The following STON2 variants were observed in gnomAD, a reference collection of about 807,000 sequenced individuals.
STON2 encodes the protein stonin-2.
STON2 carries 29 observed loss-of-function variants against 65.7 expected under a neutral mutation model. The ratio of observed to expected loss-of-function variants is 0.44; its 90% CI spans 0.33 to 0.60. The LOEUF (loss-of-function observed/expected upper bound fraction) is 0.60. Among genes scored for constraint, STON2 ranks in the 20% least tolerant of loss-of-function variants. STON2 has a pLI of 0.03. For synonymous variants in STON2, 404 were observed against 414.2 expected, an observed-to-expected ratio of 0.98 and a Z score of 0.30; for missense variants, 1,054 against 1,118.1, an observed-to-expected ratio of 0.94 and a Z score of 0.82.
rs935433214 is a variant in STON2, at chr14:81,267,291, T to C, written c.*1123A>G. Reference sequence around the variant, plus strand: ...TATAATGTTCCCAACATTAGAAAAATATGGCTTTTCCACGTCTCTACCCTA... The same window carrying C: ...TATAATGTTCCCAACATTAGAAAAACATGGCTTTTCCACGTCTCTACCCTA... On this transcript the variant is annotated 3_prime_UTR_variant, in exon 8 of 8. Coordinates refer to ENST00000614646, the MANE Select transcript of STON2 (RefSeq NM_001394390.1). 4 of 985,240 alleles carry C rather than the reference T, an allele frequency of 4.1e-6. No homozygotes were observed. The African/African-American group carries it at 7.0e-5, about 17-fold the overall frequency. 61.0% of individuals were successfully genotyped at this position (985,240 alleles called of 1,614,324 possible). A position where few individuals can be genotyped will look rare whatever the true frequency, so the allele number is the denominator to read the frequency against.
At chr14:81,337,444 A>C (rs1203434163) in intron 4 of STON2, among the ~76,000 whole-genome samples, 6 of 152,218 alleles carry the variant, frequency 3.9e-5, no homozygotes, top group Non-Finnish European at 4.4e-5. Flanking sequence ...AATCCAAATC[A>C]GACAAATCAT....
At chr14:81,430,281 T>C (rs1902175023) in intron 1 of STON2, among the ~76,000 whole-genome samples, 3 of 152,236 alleles carry the variant, frequency 2.0e-5, no homozygotes, top group Non-Finnish European at 2.9e-5. Context: ...TTTATATAAA[T>C]ATTATGTCTT....
In STON2 at chr14:81,319,089, G is replaced by A. The variant is rs377730510; in HGVS notation, c.742+4928C>T. ...TGAGAGACATGGTATAAAGCTACCC[G>A]CCTCTAGAGTCCAGCCTAAAATCAA... On this transcript the variant is annotated intron_variant, in intron 5 of 7. Transcript: ENST00000614646. Among the ~76,000 whole-genome samples the A allele has an allele frequency of 4.8e-4, 73 of 152,274 alleles. No individual in the cohort carries two copies. In the East Asian group the frequency reaches 9.3e-3, roughly 19 times the overall value.
intron 4 of STON2, among the ~76,000 whole-genome samples, chr14:81,366,653 C>T (rs1164911844): frequency 2.0e-5 from 3 of 152,066 alleles, no homozygotes; most frequent in Non-Finnish European, 4.4e-5. Flanking sequence ...TCATACCGAA[C>T]TCCCCACTGC....
At position 81,263,890 on chromosome 14, in the gene STON2, T is replaced by C. The variant is rs1455082308; in HGVS notation, c.*4524A>G. 3.0e-6 allele frequency: 3 copies of C among 985,346 alleles called. No homozygotes were observed. Among genetic ancestry groups the C allele is most frequent in the East Asian group, 1.1e-4 (1 of 8,826 alleles). 61.0% of individuals were successfully genotyped at this position (985,346 alleles called of 1,614,324 possible). A position where few individuals can be genotyped will look rare whatever the true frequency, so the allele number is the denominator to read the frequency against. Reference sequence around the variant, plus strand: ...CCACCACTAAACTTATGGTGAAATATATATCACCTCTGAAATCATGACTTT... The same window carrying C: ...CCACCACTAAACTTATGGTGAAATACATATCACCTCTGAAATCATGACTTT... On this transcript the variant is annotated 3_prime_UTR_variant, in exon 8 of 8. Transcript: ENST00000614646.
At chr14:81,428,019 A>C (rs1291718451) in intron 1 of STON2, among the ~76,000 whole-genome samples, 1 of 152,164 alleles carries the variant, frequency 6.6e-6, no homozygotes, top group Non-Finnish European at 1.5e-5. Context: ...GCTACTCCTC[A>C]TGTAATGCTA....
chr14:81,424,824 T>C (rs1385490823), intron 2 of STON2, among the ~76,000 whole-genome samples: 1 of 152,202 alleles, frequency 6.6e-6, no homozygotes, highest in African/African-American at 2.4e-5. Context: ...AAAAGAAAAA[T>C]TTAATCACTG....
chr14:81,269,831 A>C (rs1320257095), intron 7 of STON2: 4 of 985,338 alleles, frequency 4.1e-6, no homozygotes, highest in Non-Finnish European at 4.8e-6. Context: ...TATTTATGTC[A>C]GAAAACTCCA....
intron 5 of STON2, among the ~76,000 whole-genome samples, chr14:81,285,246 C>A (rs973066476): frequency 1.3e-5 from 2 of 152,160 alleles, no homozygotes; most frequent in East Asian, 1.9e-4. Context: ...AAACTGACAA[C>A]CTCCTGGAAA....
At chr14:81,360,021 G>C (rs892747660) in intron 4 of STON2, among the ~76,000 whole-genome samples, 3 of 152,180 alleles carry the variant, frequency 2.0e-5, no homozygotes, top group Non-Finnish European at 4.4e-5. Flanking sequence ...TTCCTGGGAG[G>C]TTGAGGCTGC....
At chr14:81,282,501 G>GTAC (rs1895163986) in intron 5 of STON2, among the ~76,000 whole-genome samples, 1 of 152,030 alleles carries the variant, frequency 6.6e-6, no homozygotes, top group South Asian at 2.1e-4. Flanking sequence ...GCTGTTCTTA[G>GTAC]TACTACTGCT....
chr14:81,387,172 T>C (rs1899851837), intron 3 of STON2, among the ~76,000 whole-genome samples: 1 of 139,968 alleles, frequency 7.1e-6, no homozygotes, highest in African/African-American at 3.0e-5. Flanking sequence ...TGTTTTTTTT[T>C]TTTAAAACAT....
At chr14:81,409,433 AT>A (rs1566948072) in intron 2 of STON2, among the ~76,000 whole-genome samples, 8 of 15,034 alleles carry the variant, frequency 5.3e-4, no homozygotes, top group African/African-American at 2.4e-3. Context: ...ATATAAAAAT[AT>A]ATATATATAT....
At chr14:81,355,803 CTGTT>C (rs1409016795) in intron 4 of STON2, among the ~76,000 whole-genome samples, 1 of 152,080 alleles carries the variant, frequency 6.6e-6, no homozygotes, top group African/African-American at 2.4e-5. Context: ...ATTTGGCTCT[CTGTT>C]TGTCTGTTAT....
chr14:81,316,937 G>A (rs1040342889), intron 5 of STON2, among the ~76,000 whole-genome samples: 2 of 152,092 alleles, frequency 1.3e-5, no homozygotes, highest in Non-Finnish European at 2.9e-5. Context: ...GGAGAATGGC[G>A]TGAACCCGCG....
chr14:81,332,978 C>A, intron 4 of STON2: 1 of 493,450 alleles, frequency 2.0e-6, no homozygotes, highest in Non-Finnish European at 3.7e-6. Flanking sequence ...TTTTTAGCGA[C>A]ACCAACTTTG....
chr14:81,432,435 A>C (rs1323004345), intron 1 of STON2, among the ~76,000 whole-genome samples: 1 of 152,184 alleles, frequency 6.6e-6, no homozygotes, highest in Non-Finnish European at 1.5e-5. Context: ...CATGGCACAG[A>C]TGTTTAATTA....
intron 2 of STON2, among the ~76,000 whole-genome samples, chr14:81,422,243 C>T (rs1424249978): frequency 6.6e-6 from 1 of 152,074 alleles, no homozygotes; most frequent in Non-Finnish European, 1.5e-5. Flanking sequence ...AGTGAGTTCT[C>T]ACTCAGTTCC....
At position 81,362,226 on chromosome 14, in the gene STON2, T is replaced by G. The variant is rs527384382; in HGVS notation, c.571+8762A>C. 2.0e-5 allele frequency among the ~76,000 whole-genome samples: 3 copies of G among 152,310 alleles called. No individual in the cohort carries two copies. In the East Asian group the frequency reaches 5.8e-4, roughly 29 times the overall value. On this transcript the variant is annotated intron_variant, in intron 4 of 7. Coordinates refer to ENST00000614646, the MANE Select transcript of STON2 (RefSeq NM_001394390.1). ...ATTAAACAATACACAAGTTATGGAA[T>G]CAACCTAAGTGTCCATCAGTGGATG...
Sources: allele counts gnomAD v4.1 joint callset (sites outside exome capture counted in the v4.1 genomes callset), GRCh38; gene constraint gnomAD v4.1.1; transcripts MANE v1.5; gene names NCBI Gene and HGNC (gene_info 2026-07-23, HGNC 2026-07-21).